Variants in CFAP61 observed in about 807,000 individuals in gnomAD.
CFAP61 encodes cilia and flagella associated protein 61, also known as cilia- and flagella-associated protein 61.
A neutral mutation model predicts 135.6 loss-of-function variants in CFAP61; 107 were observed. That is an observed-to-expected ratio of 0.79 (90% CI 0.67 to 0.93). The LOEUF is 0.93. Ranked by LOEUF, CFAP61 falls within the 40% of genes least tolerant of loss-of-function variation. The pLI, the probability that CFAP61 is intolerant of heterozygous loss-of-function variation, is 0.00. For missense variants in CFAP61, 1,507 were observed against 1,556.2 expected, an observed-to-expected ratio of 0.97 and a Z score of 0.53; for synonymous variants, 575 against 578.5, an observed-to-expected ratio of 0.99 and a Z score of 0.09.
rs2049756294 is a variant in CFAP61 at position 20,122,727 on chromosome 20, T to C, written c.860-20130T>C. On this transcript the variant is annotated intron_variant, in intron 8 of 26. Coordinates refer to ENST00000245957, the MANE Select transcript of CFAP61 (RefSeq NM_015585.4). ...TGCGAATTGTGCTGCTATAAACATGTATGTCCAAGTGTCTTTTTTGTATAA... is the reference window on the plus strand; with the variant it reads ...TGCGAATTGTGCTGCTATAAACATGCATGTCCAAGTGTCTTTTTTGTATAA... 2.6e-5 allele frequency among the ~76,000 whole-genome samples: 4 copies of C among 152,210 alleles called. No homozygotes were observed. In the East Asian group the frequency reaches 7.7e-4, roughly 29 times the overall value.
chr20:20,128,339 C>T (rs1217091034), intron 8 of CFAP61, among the ~76,000 whole-genome samples: 1 of 151,854 alleles, frequency 6.6e-6, no homozygotes, highest in African/African-American at 2.4e-5. Flanking sequence ...CCTGGGAACC[C>T]AGCGAGTTCC....
At chr20:20,092,969 T>TG (rs1647687582) in intron 7 of CFAP61, among the ~76,000 whole-genome samples, 1 of 152,184 alleles carries the variant, frequency 6.6e-6, no homozygotes, top group Non-Finnish European at 1.5e-5. Context: ...AGCAATTCCA[T>TG]ACACAGAATT....
rs1313759051 is a variant in CFAP61 at position 20,072,058 on chromosome 20, GGATGT to G, written c.294+1057_294+1061del. ...AAAGGTTATGGTTTATTGTCTTACAGGATGTGACCTATTTGGTATCTAATCTAGCA... is the reference window on the plus strand; with the variant it reads ...AAAGGTTATGGTTTATTGTCTTACAGGACCTATTTGGTATCTAATCTAGCA... On this transcript the variant is annotated intron_variant, in intron 3 of 26. Coordinates refer to ENST00000245957, the MANE Select transcript of CFAP61 (RefSeq NM_015585.4). 2.2e-4 allele frequency among the ~76,000 whole-genome samples: 31 copies of G among 138,322 alleles called. No homozygotes were observed. In the East Asian group the frequency reaches 4.7e-3, roughly 21 times the overall value. 90.7% of individuals were successfully genotyped at this position (138,322 alleles called of 152,430 possible). A position where few individuals can be genotyped will look rare whatever the true frequency, so the allele number is the denominator to read the frequency against.
intron 17 of CFAP61, among the ~76,000 whole-genome samples, chr20:20,204,379 C>G (rs908002087): frequency 6.6e-6 from 1 of 152,158 alleles, no homozygotes; most frequent in Non-Finnish European, 1.5e-5. Flanking sequence ...AGCCCCTCCC[C>G]CTCAGAGCTA....
At chr20:20,289,975 G>T (rs546491967) in intron 23 of CFAP61, among the ~76,000 whole-genome samples, 1 of 152,194 alleles carries the variant, frequency 6.6e-6, no homozygotes, top group Admixed American at 6.5e-5. Flanking sequence ...AACATTTAAG[G>T]CTTCTAAAGG....
chr20:20,205,151 C>G (rs1486968449), intron 17 of CFAP61, among the ~76,000 whole-genome samples: 1 of 152,088 alleles, frequency 6.6e-6, no homozygotes, highest in Non-Finnish European at 1.5e-5. Flanking sequence ...AGTGTTTATT[C>G]TCATTACTGT....
At chr20:20,315,714 A>T (rs1167466185) in intron 25 of CFAP61, among the ~76,000 whole-genome samples, 1 of 152,176 alleles carries the variant, frequency 6.6e-6, no homozygotes, top group African/African-American at 2.4e-5. Context: ...TAATGTTTGT[A>T]TAAGGTGTAA....
chr20:20,118,251 A>ATGTTTGTTTGTTTGTT (rs1371575120), intron 8 of CFAP61, among the ~76,000 whole-genome samples: 236 of 113,718 alleles, frequency 2.1e-3, no homozygotes, highest in African/African-American at 7.2e-3. Flanking sequence ...ATTTTGAGGT[A>ATGTTTGTTTGTTTGTT]TGTTTCTTTC....
At chr20:20,087,753 C>T (rs1294871032) in intron 6 of CFAP61, among the ~76,000 whole-genome samples, 1 of 152,100 alleles carries the variant, frequency 6.6e-6, no homozygotes, top group East Asian at 1.9e-4. Flanking sequence ...GTGACAGATG[C>T]ACACACGGTA....
intron 23 of CFAP61, 34 bp downstream of exon 23, chr20:20,288,970 C>G (rs2147063613): frequency 6.4e-7 from 1 of 1,554,418 alleles, no homozygotes; most frequent in South Asian, 1.2e-5. Flanking sequence ...CTTGATGAAG[C>G]CACAGATTAG....
chr20:20,262,818 T>C (rs1405284250), intron 20 of CFAP61, 138 bp from the exon 21 acceptor site: 37 of 412,490 alleles, frequency 9.0e-5, no homozygotes, highest in Admixed American at 2.6e-4. Context: ...TTTTTTTTTT[T>C]CAATTAAAAT....
intron 6 of CFAP61, among the ~76,000 whole-genome samples, chr20:20,083,752 G>A (rs913992193): frequency 6.6e-6 from 1 of 152,152 alleles, no homozygotes; most frequent in African/African-American, 2.4e-5. Context: ...AGACTGGTAA[G>A]TGACCACCAA....
chr20:20,190,379 G>A (rs1003486885), intron 14 of CFAP61, among the ~76,000 whole-genome samples: 4 of 152,060 alleles, frequency 2.6e-5, no homozygotes, highest in African/African-American at 4.8e-5. Flanking sequence ...ATCCTCTAGC[G>A]TTCCATTTGT....
At chr20:20,189,133 G>C (rs1176110424) in intron 14 of CFAP61, among the ~76,000 whole-genome samples, 1 of 152,150 alleles carries the variant, frequency 6.6e-6, no homozygotes, top group Non-Finnish European at 1.5e-5. Context: ...AAACCTTTTA[G>C]TTAATTTTTA....
intron 8 of CFAP61, among the ~76,000 whole-genome samples, chr20:20,118,306 T>TTTCTTTC (rs1320313585): frequency 5.8e-5 from 7 of 121,692 alleles, no homozygotes; most frequent in African/African-American, 2.2e-4. Context: ...TCTTTCTTTC[T>TTTCTTTC]TTTCTTTCTT....
Position 20,293,513 on chromosome 20 carries a change from A to G in CFAP61, c.3216+3122A>G, listed in dbSNP as rs1424027125. On this transcript the variant is annotated intron_variant, in intron 24 of 26. Coordinates refer to ENST00000245957, the MANE Select transcript of CFAP61 (RefSeq NM_015585.4). ...ATTTGATTAAGTGAAATCGTTGCCA[A>G]AATGGTCAGGCAGTCACCTAAATAT... is the stretch of plus-strand genomic sequence containing the variant. 2.6e-5 allele frequency among the ~76,000 whole-genome samples: 4 copies of G among 152,228 alleles called. No homozygotes were observed. The East Asian group carries it at 7.7e-4, about 29-fold the overall frequency.
chr20:20,085,567 T>C lies in CFAP61; in HGVS notation c.567-5277T>C, dbSNP rs192657388. On this transcript the variant is annotated intron_variant, in intron 6 of 26. Coordinates refer to ENST00000245957, the MANE Select transcript of CFAP61 (RefSeq NM_015585.4). ...ATTATGGATAACTTTGTTAACGGGC[T>C]GCTGAGGTTCATGAGCAGGCCTAGG... 64 of 1,347,166 alleles carry C rather than the reference T, an allele frequency of 4.8e-5. No individual in the cohort carries two copies. In the African/African-American group the frequency reaches 8.3e-4, roughly 17 times the overall value. The allele number at this position is 1,347,166 out of a possible 1,614,324, so 83.5% of individuals were successfully genotyped here.
At chr20:20,059,433 A>G (rs6035540) in intron 2 of CFAP61, among the ~76,000 whole-genome samples, 1 of 150,566 alleles carries the variant, frequency 6.6e-6, no homozygotes, top group Admixed American at 6.6e-5. Context: ...CCTGGCCTAT[A>G]TGGCAAAACC....
At chr20:20,085,074 A>G in intron 6 of CFAP61, 1 of 983,730 alleles carries the variant, frequency 1.0e-6, no homozygotes, top group Non-Finnish European at 1.2e-6. Flanking sequence ...TTTCGCTCAG[A>G]GAATTGTACT....
Sources: allele counts gnomAD v4.1 joint callset (sites outside exome capture counted in the v4.1 genomes callset), GRCh38; gene constraint gnomAD v4.1.1; transcripts MANE v1.5; gene names NCBI Gene and HGNC (gene_info 2026-07-23, HGNC 2026-07-21).